Variants in NADK observed in about 807,000 individuals in gnomAD.
NADK encodes the protein NAD kinase.
A neutral mutation model predicts 49.8 loss-of-function variants in NADK; 22 were observed. That is an observed-to-expected ratio of 0.44 (90% CI 0.32 to 0.63). The LOEUF is 0.63. Among genes scored for constraint, NADK ranks in the 30% least tolerant of loss-of-function variants. NADK has a pLI of 0.06. For missense variants in NADK, 438 were observed against 609.4 expected (o/e 0.72, Z 2.96); for synonymous variants, 268 against 253.7 (o/e 1.06, Z -0.54).
chr1:1,776,176 T>C (rs995940196), intron 1 of NADK, among the ~76,000 whole-genome samples: 2 of 152,124 alleles, frequency 1.3e-5, no homozygotes, highest in Non-Finnish European at 1.5e-5. Flanking sequence ...GAGACCTACA[T>C]TTCCTCAAGC....
chr1:1,754,770 G>T lies in NADK; in HGVS notation c.689-72C>A, dbSNP rs181396353. 5 of 1,427,922 alleles carry T rather than the reference G, an allele frequency of 3.5e-6. No individual in the cohort carries two copies. Among genetic ancestry groups the T allele is most frequent in the Non-Finnish European group, 4.7e-6 (5 of 1,059,094 alleles). 88.5% of individuals were successfully genotyped at this position (1,427,922 alleles called of 1,614,324 possible). On this transcript the variant is annotated intron_variant, in intron 7 of 11. Transcript: ENST00000341426. The surrounding 1 kb of genome is among the most constrained non-coding windows in gnomAD (Gnocchi z 4.3). Reference sequence around the variant, plus strand: ...GGGTCAGGGGCCCCACCCCAGGGAGGCCAGTGGGAGTCAGAGGGCTCTTTC... The same window carrying T: ...GGGTCAGGGGCCCCACCCCAGGGAGTCCAGTGGGAGTCAGAGGGCTCTTTC...
At chr1:1,771,334 A>G (rs1646046878) in intron 1 of NADK, among the ~76,000 whole-genome samples, 4 of 152,076 alleles carry the variant, frequency 2.6e-5, no homozygotes, top group Admixed American at 6.6e-5. Context: ...TGATCTGCAA[A>G]TGTTACCCAA....
intron 1 of NADK, among the ~76,000 whole-genome samples, chr1:1,770,599 G>A (rs1156521415): frequency 6.6e-6 from 1 of 152,102 alleles, no homozygotes; most frequent in Admixed American, 6.6e-5. Flanking sequence ...GGGCATGGTG[G>A]CGGGTGCCTG....
At chr1:1,765,710 G>A (rs1309723788) in intron 1 of NADK, among the ~76,000 whole-genome samples, 1 of 151,132 alleles carries the variant, frequency 6.6e-6, no homozygotes, top group Non-Finnish European at 1.5e-5. Flanking sequence ...CCAGGAGTTC[G>A]AAACCAGCCT....
chr1:1,758,242 T>C, intron 3 of NADK: 1 of 1,170,128 alleles, frequency 8.5e-7, no homozygotes, highest in South Asian at 1.8e-5. Context: ...CAGCAGTGAC[T>C]TCCCCAGGAG....
At chr1:1,775,447 G>A (rs59555069) in intron 1 of NADK, among the ~76,000 whole-genome samples, 16,254 of 152,246 alleles carry the variant, frequency 0.11, 1,487 homozygotes, top group East Asian at 0.29. Flanking sequence ...TCTCACCCCG[G>A]TAAATAATGC....
Position 1,765,322 on chromosome 1 carries a change from C to A in NADK, c.85G>T (p.Asp29Tyr), listed in dbSNP as rs201229178. 2 of 1,613,656 alleles carry A rather than the reference C, an allele frequency of 1.2e-6. No individual in the cohort carries two copies. The highest frequency in any genetic ancestry group is 2.2e-5 in the South Asian group (2 of 91,038). The change falls in exon 2 of 12, where the codon GAT becomes TAT. Residue 29 changes from aspartate (D) to tyrosine (Y), a missense_variant. Asp to Tyr is a radical substitution (Grantham distance 160). Transcript: ENST00000341426. The part of the protein sequence containing the change: ...AAYCCSACHG[D>Y]ETWSYNHPIR... The stretch of plus-strand genomic sequence containing the variant: ...GGGTGGTTGTAACTCCAGGTCTCAT[C>A]GCCGTGGCAGGCCGAGCAGCAGTAA...
chr1:1,761,923 AC>A (rs765208953), intron 3 of NADK, 28 bp downstream of exon 3: 2 of 1,607,118 alleles, frequency 1.2e-6, no homozygotes, highest in Admixed American at 1.7e-5. Context: ...CCTTCCAAGA[AC>A]CCCCCGTCCT....
rs1226731079 is a variant in NADK, at chr1:1,761,780, A to C, written c.263+172T>G. 4 of 599,124 alleles carry C rather than the reference A, an allele frequency of 6.7e-6. No homozygotes were observed. In the Admixed American group the frequency reaches 1.2e-4, roughly 17 times the overall value. 37.1% of individuals were successfully genotyped at this position (599,124 alleles called of 1,614,324 possible). ...GCCCATGTGGCTTTTTGTTTAAATG[A>C]CCTAAACATGTACTTCTCACATGAA... On this transcript the variant is annotated intron_variant, in intron 3 of 11. Coordinates refer to ENST00000341426, the MANE Select transcript of NADK (RefSeq NM_023018.5).
intron 2 of NADK, among the ~76,000 whole-genome samples, chr1:1,762,734 C>G (rs991113137): frequency 6.6e-6 from 1 of 151,704 alleles, no homozygotes; most frequent in Non-Finnish European, 1.5e-5. Flanking sequence ...TCCAGCCTGG[C>G]TGAAAAAAGT....
Position 1,754,011 on chromosome 1 carries a change from A to G in NADK, c.1101+40T>C. ...CCGGCTTTGTGTTGCACGGGGTCAA[A>G]TGACTCACAAACCGGAAAAGGAGTG... On this transcript the variant is annotated intron_variant, in intron 10 of 11. Transcript: ENST00000341426. This position sits in a 1 kb window ranked among gnomAD's most constrained non-coding sequence, Gnocchi z 4.3. 5 of 1,537,348 alleles carry G rather than the reference A, an allele frequency of 3.3e-6. No homozygotes were observed. The highest frequency in any genetic ancestry group is 2.6e-6 in the Non-Finnish European group (3 of 1,144,752).
chr1:1,761,242 T>C (rs1170086680), intron 3 of NADK, among the ~76,000 whole-genome samples: 2 of 152,156 alleles, frequency 1.3e-5, no homozygotes, highest in African/African-American at 4.8e-5. Flanking sequence ...CCGCCCCCCT[T>C]GGCCTCCCAA....
chr1:1,769,467 C>T (rs1374569057), intron 1 of NADK, among the ~76,000 whole-genome samples: 1 of 151,988 alleles, frequency 6.6e-6, no homozygotes, highest in African/African-American at 2.4e-5. Context: ...AGGAGAATGG[C>T]GTGAACCCAG....
intron 1 of NADK, among the ~76,000 whole-genome samples, chr1:1,767,603 T>C (rs370429093): frequency 6.6e-6 from 1 of 152,206 alleles, no homozygotes; most frequent in Non-Finnish European, 1.5e-5. Flanking sequence ...TAAATCTTAA[T>C]GAGGACAAGG....
rs138315476 is a variant in NADK at position 1,760,478 on chromosome 1, G to A, written c.263+1474C>T. Among the ~76,000 whole-genome samples the A allele has an allele frequency of 4.7e-3, 722 of 152,320 alleles. 5 individuals are homozygous for A. Among genetic ancestry groups the A allele is most frequent in the African/African-American group, 0.016 (677 of 41,574 alleles). ...GTGACAGCCCAGGGCTGGGGCCTCC[G>A]TCCCTGCTGTGCGCCCCCAGCCTCC... On this transcript the variant is annotated intron_variant, in intron 3 of 11. Transcript: ENST00000341426.
intron 1 of NADK, among the ~76,000 whole-genome samples, chr1:1,773,721 T>A (rs375817552): frequency 0.66 from 89,117 of 135,874 alleles, 31,524 homozygotes; most frequent in Non-Finnish European, 0.78. Flanking sequence ...TGTGTGTGTG[T>A]GTGTGTGTGA....
rs773412415 is a variant in NADK at position 1,756,274 on chromosome 1, G to T, written c.569C>A (p.Ala190Asp). The change falls in exon 6 of 12, where the codon GCT becomes GAT. Residue 190 changes from alanine (A) to aspartate (D), a missense_variant. Coordinates refer to ENST00000341426, the MANE Select transcript of NADK (RefSeq NM_023018.5). Reference sequence around the variant, plus strand: ...GCGCTTCACCTGGAAAAGCGAGGAAGCGTACAGCAGCGTCCCGTCTCCCCC... The same window carrying T: ...GCGCTTCACCTGGAAAAGCGAGGAATCGTACAGCAGCGTCCCGTCTCCCCC... ...CLGGDGTLLYASSLFQGSVPP... is the reference protein window; with the variant it reads ...CLGGDGTLLYDSSLFQGSVPP... The T allele has an allele frequency of 6.2e-7, 1 of 1,614,118 alleles. No homozygotes were observed. Among genetic ancestry groups the T allele is most frequent in the South Asian group, 1.1e-5 (1 of 91,088 alleles).
intron 5 of NADK, 57 bp downstream of exon 5, chr1:1,756,446 C>T: frequency 6.2e-7 from 1 of 1,612,372 alleles, no homozygotes; most frequent in Non-Finnish European, 8.5e-7. Context: ...CCAGAAGCTT[C>T]CAATGGGGCG....
Position 1,754,800 on chromosome 1 carries a change from C to T in NADK, c.689-102G>A, listed in dbSNP as rs1039038566. 6 of 1,086,182 alleles carry T rather than the reference C, an allele frequency of 5.5e-6. No homozygotes were observed. The highest frequency in any genetic ancestry group is 1.6e-5 in the African/African-American group (1 of 63,762). 67.3% of individuals were successfully genotyped at this position (1,086,182 alleles called of 1,614,324 possible). On this transcript the variant is annotated intron_variant, in intron 7 of 11. Coordinates refer to ENST00000341426, the MANE Select transcript of NADK (RefSeq NM_023018.5). This position sits in a 1 kb window ranked among gnomAD's most constrained non-coding sequence, Gnocchi z 4.3. Reference sequence around the variant, plus strand: ...TGGGAGTCAGAGGGCTCTTTCTTCTCCCAAGTTGACACACTTCTGTGCCTT... The same window carrying T: ...TGGGAGTCAGAGGGCTCTTTCTTCTTCCAAGTTGACACACTTCTGTGCCTT...
Sources: gnomAD v4.1 joint callset for allele counts (sites outside exome capture counted in the v4.1 genomes callset) on GRCh38, gnomAD v4.1.1 for gene constraint, Gnocchi (gnomAD v3.1) non-coding constraint, MANE v1.5 for transcripts, NCBI Gene and HGNC (gene_info 2026-07-23, HGNC 2026-07-21) for gene names.